Variants in KPNA1 observed in about 807,000 individuals in gnomAD.
KPNA1 encodes the protein importin subunit alpha-5.
A neutral mutation model predicts 70.5 loss-of-function variants in KPNA1; 10 were observed. The ratio of observed to expected loss-of-function variants is 0.14; its 90% CI spans 0.09 to 0.24. KPNA1 has a LOEUF of 0.24. Among genes scored for constraint, KPNA1 ranks in the 10% least tolerant of loss-of-function variants. KPNA1 has a pLI of 1.00. For missense variants in KPNA1, 397 were observed against 637.9 expected (o/e 0.62, Z 4.07); for synonymous variants, 192 against 221.9 (o/e 0.87, Z 1.20).
rs571626167 is a variant in KPNA1 at position 122,447,497 on chromosome 3, A to C, written c.917+2077T>G. On this transcript the variant is annotated intron_variant, in intron 9 of 13. Coordinates refer to ENST00000344337, the MANE Select transcript of KPNA1 (RefSeq NM_002264.4). ...GCCCTTCATGCTAAAAACTCTCAAT[A>C]AACTAGGTATTGATGGACCATATCT... Among the ~76,000 whole-genome samples, 96 of 152,328 alleles carry C rather than the reference A, an allele frequency of 6.3e-4. 1 individual carries two copies. The highest frequency in any genetic ancestry group is 2.2e-3 in the African/African-American group (93 of 41,568).
At chr3:122,457,819 A>C (rs1270841410) in intron 5 of KPNA1, 1 of 1,289,582 alleles carries the variant, frequency 7.8e-7, no homozygotes, top group Non-Finnish European at 1.0e-6. Flanking sequence ...TGCCGGTTCC[A>C]CTCTGGTTCC....
At chr3:122,470,525 CAAAT>C (rs202144154) in intron 2 of KPNA1, among the ~76,000 whole-genome samples, 75 of 150,154 alleles carry the variant, frequency 5.0e-4, no homozygotes, top group African/African-American at 1.2e-3. Flanking sequence ...AATAAATAAA[CAAAT>C]AAATAAATAA....
chr3:122,469,896 T>C (rs753406507), intron 2 of KPNA1, among the ~76,000 whole-genome samples: 12 of 152,182 alleles, frequency 7.9e-5, no homozygotes, highest in South Asian at 2.1e-4. Flanking sequence ...ACCACCAACC[T>C]AGAAACTCTG....
chr3:122,483,295 C>T (rs1429527843), intron 2 of KPNA1: 1 of 152,508 alleles, frequency 6.6e-6, no homozygotes, highest in African/African-American at 2.4e-5. Context: ...ATTCCTGTTT[C>T]CCTTCTTGTA....
chr3:122,475,666 A>G (rs1318697517), intron 2 of KPNA1, among the ~76,000 whole-genome samples: 1 of 152,138 alleles, frequency 6.6e-6, no homozygotes. Flanking sequence ...AAACCTACAT[A>G]TAACTTTTAA....
At chr3:122,464,099 GAA>G in intron 3 of KPNA1, 58 bp from the exon 4 acceptor site, 1 of 906,432 alleles carries the variant, frequency 1.1e-6, no homozygotes. Context: ...TCAAAGGAAA[GAA>G]AGATAACAGA....
intron 5 of KPNA1, among the ~76,000 whole-genome samples, chr3:122,457,212 TA>T (rs2076274132): frequency 6.6e-6 from 1 of 152,262 alleles, no homozygotes; most frequent in Admixed American, 6.5e-5. Context: ...ATTTGCCATC[TA>T]TTTTTTTGTT....
At chr3:122,487,766 G>A (rs1314398365) in intron 2 of KPNA1, among the ~76,000 whole-genome samples, 1 of 152,082 alleles carries the variant, frequency 6.6e-6, no homozygotes, top group African/African-American at 2.4e-5. Context: ...GGAGAAATGA[G>A]GAATACTTGT....
intron 9 of KPNA1, among the ~76,000 whole-genome samples, chr3:122,443,481 G>A (rs1195800883): frequency 6.6e-6 from 1 of 152,200 alleles, no homozygotes; most frequent in Non-Finnish European, 1.5e-5. Context: ...TTTGAGCTCT[G>A]AGAATGGACA....
chr3:122,452,169 A>C, intron 6 of KPNA1, 105 bp from the exon 7 acceptor site: 2 of 784,116 alleles, frequency 2.6e-6, no homozygotes, highest in South Asian at 2.9e-5. Flanking sequence ...GAGTCAAATG[A>C]AACAGTTGTA....
rs2076354165 is a variant in KPNA1, at chr3:122,464,001, G to T, written c.278C>A (p.Ser93Tyr). 10 of 1,606,228 alleles carry T rather than the reference G, an allele frequency of 6.2e-6. No individual in the cohort carries two copies. The highest frequency in any genetic ancestry group is 8.5e-6 in the Non-Finnish European group (10 of 1,175,482). ...ITSDMIEMIF[S>Y]KSPEQQLSAT... ...TGAAAGCTGTTGCTCTGGGCTTTTGGAAAATATCATTTCAATCATGTCAGA... is the reference window on the plus strand; with the variant it reads ...TGAAAGCTGTTGCTCTGGGCTTTTGTAAAATATCATTTCAATCATGTCAGA... The change falls in exon 4 of 14, where the codon TCC becomes TAC. Residue 93 changes from serine (S) to tyrosine (Y), a missense_variant. Physicochemically the swap from Ser to Tyr is moderately radical, Grantham distance 144. Coordinates refer to ENST00000344337, the MANE Select transcript of KPNA1 (RefSeq NM_002264.4).
rs1559760421 is a variant in KPNA1, at chr3:122,500,659, T to TA, written c.-5-4090_-5-4089insT. Among the ~76,000 whole-genome samples, 107 of 151,832 alleles carry TA rather than the reference T, an allele frequency of 7.0e-4. 1 individual carries two copies. The South Asian group carries it at 0.021, about 30-fold the overall frequency. ...CTACAGGTGCATGCCCAGATTATTA[T>TA]TATATATTGGGCTGGGGGGCTAGGG... is the stretch of plus-strand genomic sequence containing the variant. On this transcript the variant is annotated intron_variant, in intron 1 of 13. Coordinates refer to ENST00000344337, the MANE Select transcript of KPNA1 (RefSeq NM_002264.4).
chr3:122,490,687 A>G (rs998876779), intron 2 of KPNA1, among the ~76,000 whole-genome samples: 6 of 152,182 alleles, frequency 3.9e-5, no homozygotes, highest in Admixed American at 3.3e-4. Flanking sequence ...CTTTGAGAAA[A>G]AATTCTAAAT....
In KPNA1 at chr3:122,463,083, G is replaced by A. The variant is rs181472675; in HGVS notation, c.337+859C>T. ...AAATACAAAAAAGGCCGGGCGCAGT[G>A]GCTCACGCCTGTAATCCCAGCACTT... On this transcript the variant is annotated intron_variant, in intron 4 of 13. Coordinates refer to ENST00000344337, the MANE Select transcript of KPNA1 (RefSeq NM_002264.4). Among the ~76,000 whole-genome samples the A allele has an allele frequency of 9.9e-5, 15 of 152,242 alleles. No individual in the cohort carries two copies. The East Asian group carries it at 2.9e-3, about 29-fold the overall frequency.
intron 9 of KPNA1, among the ~76,000 whole-genome samples, chr3:122,449,058 CA>C (rs1403995619): frequency 2.6e-5 from 4 of 152,216 alleles, no homozygotes; most frequent in African/African-American, 7.2e-5. Context: ...ACCATTTCTC[CA>C]TTATGTTATC....
At chr3:122,427,832 C>G (rs1456354479) in intron 12 of KPNA1, 116 bp from the exon 13 acceptor site, 2 of 619,778 alleles carry the variant, frequency 3.2e-6, no homozygotes, top group Non-Finnish European at 5.1e-6. Context: ...AAACAAAAAA[C>G]AAGCACTCTT....
intron 2 of KPNA1, chr3:122,482,868 A>G (rs937369190): frequency 6.6e-6 from 1 of 152,224 alleles, no homozygotes; most frequent in Admixed American, 6.6e-5. Context: ...AGGTCTCAGT[A>G]GCTGGTAGAG....
intron 1 of KPNA1, among the ~76,000 whole-genome samples, chr3:122,511,727 T>G (rs1323014571): frequency 2.0e-5 from 3 of 152,212 alleles, no homozygotes; most frequent in Non-Finnish European, 4.4e-5. Context: ...CATAACACCA[T>G]GCAAAGTACA....
At chr3:122,505,812 A>C (rs988214839) in intron 1 of KPNA1, among the ~76,000 whole-genome samples, 7 of 152,158 alleles carry the variant, frequency 4.6e-5, no homozygotes, top group Non-Finnish European at 5.9e-5. Context: ...ATCTATTCCC[A>C]CTGCCACCAG....
Sources: allele counts gnomAD v4.1 joint callset (sites outside exome capture counted in the v4.1 genomes callset), GRCh38; gene constraint gnomAD v4.1.1; transcripts MANE v1.5; gene names NCBI Gene and HGNC (gene_info 2026-07-23, HGNC 2026-07-21).